The following ZNF665 variants were observed in gnomAD, a reference collection of about 807,000 sequenced individuals.
The protein encoded by ZNF665 is zinc finger protein 665.
Under a neutral mutation model 7.9 loss-of-function variants are expected in ZNF665, and 6 were observed. The ratio of observed to expected loss-of-function variants is 0.76; its 90% CI spans 0.42 to 1.50. ZNF665 has a LOEUF of 1.50. Among genes scored for constraint, ZNF665 ranks in the 40% most tolerant of loss-of-function variants. ZNF665 has a pLI of 0.01. For synonymous variants in ZNF665, 242 were observed against 274.5 expected, an observed-to-expected ratio of 0.88 and a Z score of 1.17; for missense variants, 819 against 806.7, an observed-to-expected ratio of 1.02 and a Z score of -0.18.
rs935940063 is a variant in ZNF665, at chr19:53,163,652, T to C, written c.*801A>G. 18 of 152,218 alleles carry C rather than the reference T, an allele frequency of 1.2e-4. No individual in the cohort carries two copies. Among genetic ancestry groups the C allele is most frequent in the African/African-American group, 4.3e-4 (18 of 41,444 alleles). 9.4% of individuals were successfully genotyped at this position (152,218 alleles called of 1,614,324 possible). On this transcript the variant is annotated 3_prime_UTR_variant, in exon 4 of 4. Transcript: ENST00000396424. ...TTGGAAGTTATAAATAGTAGCCTTT[T>C]CAATAAATCTTAAATACTTCAACAA...
Position 53,166,513 on chromosome 19 carries a change from T to A in ZNF665, c.143-166A>T, listed in dbSNP as rs76936655. Reference sequence around the variant, plus strand: ...AACACAAAAGGAACAGGATTCCTTATCAAAGAAAAGGTGGTAACATGTAAT... The same window carrying A: ...AACACAAAAGGAACAGGATTCCTTAACAAAGAAAAGGTGGTAACATGTAAT... On this transcript the variant is annotated intron_variant, in intron 3 of 3. Coordinates refer to ENST00000396424, the MANE Select transcript of ZNF665 (RefSeq NM_024733.5). Among the ~76,000 whole-genome samples, 16 of 152,290 alleles carry A rather than the reference T, an allele frequency of 1.1e-4. No individual in the cohort carries two copies. In the East Asian group the frequency reaches 3.1e-3, roughly 29 times the overall value.
chr19:53,181,233 A>C (rs2090735528), intron 2 of ZNF665: 1 of 152,122 alleles, frequency 6.6e-6, no homozygotes. Context: ...GATCCTTGGC[A>C]AAATAGTGAG....
rs139282538 is a variant in ZNF665 at position 53,178,449 on chromosome 19, C to A, written c.16-2878G>T. Among the ~76,000 whole-genome samples, 292 of 152,274 alleles carry A rather than the reference C, an allele frequency of 1.9e-3. 1 individual carries two copies. Among genetic ancestry groups the A allele is most frequent in the African/African-American group, 6.7e-3 (277 of 41,556 alleles). ...TTACAAAATAAAGAAATTGGCCAGGCATGGTGGCTCATGCCTGTAGTCCCA... is the reference window on the plus strand; with the variant it reads ...TTACAAAATAAAGAAATTGGCCAGGAATGGTGGCTCATGCCTGTAGTCCCA... On this transcript the variant is annotated intron_variant, in intron 2 of 3. Transcript: ENST00000396424.
rs545148675 is a variant in ZNF665 at position 53,163,605 on chromosome 19, T to G, written c.*848A>C. Reference sequence around the variant, plus strand: ...GTTAGGCGTATAATCATGTATAAAATCAGCACATTGCAAAGTTCTGGTTGG... The same window carrying G: ...GTTAGGCGTATAATCATGTATAAAAGCAGCACATTGCAAAGTTCTGGTTGG... On this transcript the variant is annotated 3_prime_UTR_variant, in exon 4 of 4. Transcript: ENST00000396424. 85 of 152,350 alleles carry G rather than the reference T, an allele frequency of 5.6e-4. No individual in the cohort carries two copies. The highest frequency in any genetic ancestry group is 1.9e-3 in the African/African-American group (80 of 41,586). The allele number at this position is 152,350 out of a possible 1,614,324, so 9.4% of individuals were successfully genotyped here.
intron 3 of ZNF665, among the ~76,000 whole-genome samples, chr19:53,171,504 G>GTGTGTATATATATATATATATA (rs140482885): frequency 4.0e-4 from 23 of 57,768 alleles, no homozygotes; most frequent in Non-Finnish European, 6.6e-4. Flanking sequence ...GTGTGTGTGT[G>GTGTGTATATATATATATATATA]TATATATATA....
intron 1 of ZNF665, among the ~76,000 whole-genome samples, chr19:53,184,968 C>T (rs564540875): frequency 4.7e-4 from 71 of 152,330 alleles, no homozygotes; most frequent in African/African-American, 1.6e-3. Context: ...ATTATTTCTG[C>T]TTATCAGAGA....
chr19:53,181,908 C>T, intron 2 of ZNF665: 1 of 152,214 alleles, frequency 6.6e-6, no homozygotes, highest in South Asian at 2.1e-4. Flanking sequence ...TAGGAAAATA[C>T]AGGACATCTG....
chr19:53,180,560 G>A (rs1007648099), intron 2 of ZNF665: 3 of 152,216 alleles, frequency 2.0e-5, no homozygotes, highest in African/African-American at 7.2e-5. Flanking sequence ...ATGGGTGTAT[G>A]CATCTACATA....
chr19:53,173,388 T>A (rs1174906441), intron 3 of ZNF665, among the ~76,000 whole-genome samples: 1 of 144,728 alleles, frequency 6.9e-6, no homozygotes, highest in Non-Finnish European at 1.5e-5. Context: ...TTTTTTTTTT[T>A]TTTTTGAGAT....
At chr19:53,166,393 T>G in intron 3 of ZNF665, 46 bp from the exon 4 acceptor site, 1 of 1,461,012 alleles carries the variant, frequency 6.8e-7, no homozygotes, top group Non-Finnish European at 9.1e-7. Flanking sequence ...CTATAGTAGG[T>G]AAATAACTAT....
intron 2 of ZNF665, chr19:53,182,623 G>A: frequency 2.5e-6 from 2 of 787,506 alleles, no homozygotes; most frequent in East Asian, 5.3e-5. Context: ...TGACACCACG[G>A]GACCCTCACC....
intron 2 of ZNF665, among the ~76,000 whole-genome samples, chr19:53,177,334 A>C (rs1044191478): frequency 6.6e-6 from 1 of 152,028 alleles, no homozygotes; most frequent in African/African-American, 2.4e-5. Context: ...TCAGTGGCTC[A>C]TGCCTGTAAT....
chr19:53,165,465 C>A lies in ZNF665; in HGVS notation c.1025G>T (p.Gly342Val). The change falls in exon 4 of 4, where the codon GGA (glycine) becomes GTA (valine). Residue 342 changes from glycine to valine, a missense_variant. Gly to Val is a moderately radical substitution (Grantham distance 109, BLOSUM62 -3). Transcript: ENST00000396424. The stretch of plus-strand genomic sequence containing the variant: ...TTCATTACATTTGTAAGGTTTTTCT[C>A]CAGTGTGGATTGTCTGATGGGTAGT... ...SLTTHQTIHT[G>V]EKPYKCNECG... The A allele has an allele frequency of 6.2e-7, 1 of 1,613,304 alleles. No homozygotes were observed. The highest frequency in any genetic ancestry group is 8.5e-7 in the Non-Finnish European group (1 of 1,179,458).
rs1308901092 is a variant in ZNF665, at chr19:53,163,385, C to T, written c.*1068G>A. 1.3e-5 allele frequency: 2 copies of T among 152,184 alleles called. No homozygotes were observed. Among genetic ancestry groups the T allele is most frequent in the Non-Finnish European group, 2.9e-5 (2 of 68,038 alleles). The allele number at this position is 152,184 out of a possible 1,614,324, so 9.4% of individuals were successfully genotyped here. A position where few individuals can be genotyped will look rare whatever the true frequency, so the allele number is the denominator to read the frequency against. ...GTGCTCTTCTGTCAGAAGAAGGGCA[C>T]CTGCAGTGCAATAAGGATGATGAGT... On this transcript the variant is annotated 3_prime_UTR_variant, in exon 4 of 4. Transcript: ENST00000396424.
intron 3 of ZNF665, among the ~76,000 whole-genome samples, chr19:53,173,344 C>T (rs1057293055): frequency 1.3e-5 from 2 of 150,074 alleles, no homozygotes; most frequent in East Asian, 3.9e-4. Flanking sequence ...AGGCAACTGG[C>T]CATATATCCA....
At chr19:53,174,853 C>T (rs893644744) in intron 3 of ZNF665, among the ~76,000 whole-genome samples, 3 of 150,578 alleles carry the variant, frequency 2.0e-5, no homozygotes, top group East Asian at 2.0e-4. Flanking sequence ...GCAGGAGAAT[C>T]GCTTGAACTC....
intron 1 of ZNF665, 145 bp from the exon 2 acceptor site, chr19:53,183,088 T>G: frequency 1.2e-6 from 1 of 862,866 alleles, no homozygotes; most frequent in Non-Finnish European, 1.9e-6. Context: ...GGTCCTCTGC[T>G]GCCCACTGCA....
chr19:53,172,485 C>T (rs2090665547), intron 3 of ZNF665, among the ~76,000 whole-genome samples: 1 of 152,072 alleles, frequency 6.6e-6, no homozygotes, highest in African/African-American at 2.4e-5. Context: ...TTTTATGCTG[C>T]TTTAAATTTT....
intron 2 of ZNF665, chr19:53,182,200 T>G (rs2090742922): frequency 9.8e-6 from 1 of 101,942 alleles, no homozygotes; most frequent in Non-Finnish European, 2.1e-5. Flanking sequence ...AAACACCATC[T>G]CTATTAAAAA....
Sources: gnomAD v4.1 joint callset for allele counts (sites outside exome capture counted in the v4.1 genomes callset) on GRCh38, gnomAD v4.1.1 for gene constraint, MANE v1.5 for transcripts, NCBI Gene and HGNC (gene_info 2026-07-23, HGNC 2026-07-21) for gene names.